Variants in DCC observed in about 807,000 individuals in gnomAD.
DCC encodes the protein netrin receptor DCC.
A neutral mutation model predicts 172.5 loss-of-function variants in DCC; 58 were observed. That is an observed-to-expected ratio of 0.34 (90% confidence interval 0.27 to 0.42). The LOEUF is 0.42. DCC is among the 10% of genes least tolerant of loss of function. DCC has a pLI of 1.00. For missense variants in DCC, 1,740 were observed against 1,791.0 expected (o/e 0.97, Z 0.51); for synonymous variants, 709 against 644.5 (o/e 1.10, Z -1.52).
intron 5 of DCC, among the ~76,000 whole-genome samples, chr18:52,998,278 C>G (rs754698626): frequency 3.9e-4 from 59 of 152,014 alleles, no homozygotes; most frequent in Non-Finnish European, 7.4e-4. Context: ...ACTTTCTCTC[C>G]CTGATCTCTC....
At chr18:53,273,034 AG>A (rs2056766149) in intron 12 of DCC, among the ~76,000 whole-genome samples, 1 of 152,150 alleles carries the variant, frequency 6.6e-6, no homozygotes, top group Admixed American at 6.5e-5. Context: ...ACACTAAAAG[AG>A]GGAAAATGAT....
At chr18:52,923,267 C>T (rs923378054) in intron 3 of DCC, among the ~76,000 whole-genome samples, 6 of 152,068 alleles carry the variant, frequency 3.9e-5, no homozygotes, top group Admixed American at 6.6e-5. Flanking sequence ...TTGAATATGT[C>T]AAATTCTAAT....
intron 5 of DCC, among the ~76,000 whole-genome samples, chr18:53,062,260 G>A (rs2042505726): frequency 6.6e-6 from 1 of 152,066 alleles, no homozygotes; most frequent in Admixed American, 6.6e-5. Context: ...TTGGACATTA[G>A]CTTTGGTGTC....
chr18:52,805,183 T>A (rs532126023), intron 2 of DCC, among the ~76,000 whole-genome samples: 2 of 152,184 alleles, frequency 1.3e-5, no homozygotes, highest in Non-Finnish European at 2.9e-5. Flanking sequence ...AGAGACTCAA[T>A]GTATAATCTC....
At chr18:53,466,068 C>T (rs1055059969) in intron 24 of DCC, among the ~76,000 whole-genome samples, 11 of 152,160 alleles carry the variant, frequency 7.2e-5, no homozygotes, top group Middle Eastern at 3.4e-3. Flanking sequence ...CCAGCCAAAG[C>T]GATGCTTTTC....
At chr18:52,767,876 A>C (rs2037279704) in intron 2 of DCC, among the ~76,000 whole-genome samples, 1 of 152,222 alleles carries the variant, frequency 6.6e-6, no homozygotes, top group African/African-American at 2.4e-5. Context: ...AATGTGAATA[A>C]GATTACCAGA....
chr18:53,078,207 C>T (rs1458375933), intron 7 of DCC, among the ~76,000 whole-genome samples: 1 of 152,086 alleles, frequency 6.6e-6, no homozygotes, highest in African/African-American at 2.4e-5. Flanking sequence ...GGGAGGAGCA[C>T]TTGATCTCGG....
At chr18:52,512,655 T>C (rs1416349675) in intron 1 of DCC, among the ~76,000 whole-genome samples, 1 of 152,132 alleles carries the variant, frequency 6.6e-6, no homozygotes, top group Non-Finnish European at 1.5e-5. Context: ...ATACATACCA[T>C]AGGCAGAAGC....
intron 2 of DCC, among the ~76,000 whole-genome samples, chr18:52,831,281 C>G (rs1315944296): frequency 6.6e-6 from 1 of 152,012 alleles, no homozygotes; most frequent in African/African-American, 2.4e-5. Context: ...GAAGTGAGAG[C>G]CAGACCATGT....
intron 9 of DCC, among the ~76,000 whole-genome samples, chr18:53,180,126 C>T (rs2055172239): frequency 6.6e-6 from 1 of 152,124 alleles, no homozygotes; most frequent in Non-Finnish European, 1.5e-5. Flanking sequence ...TGTATTCTAT[C>T]ACTTCTTGGG....
At chr18:52,934,613 G>T (rs1473286417) in intron 5 of DCC, among the ~76,000 whole-genome samples, 1 of 152,074 alleles carries the variant, frequency 6.6e-6, no homozygotes, top group Non-Finnish European at 1.5e-5. Flanking sequence ...ATTGACCACT[G>T]CAATGGACAG....
intron 1 of DCC, among the ~76,000 whole-genome samples, chr18:52,707,863 G>A (rs1357959702): frequency 6.6e-6 from 1 of 152,116 alleles, no homozygotes; most frequent in Non-Finnish European, 1.5e-5. Context: ...GGGATAGGTG[G>A]GTGGATTTGG....
chr18:52,868,604 G>C (rs1247012044), intron 2 of DCC, among the ~76,000 whole-genome samples: 1 of 152,210 alleles, frequency 6.6e-6, no homozygotes, highest in Non-Finnish European at 1.5e-5. Flanking sequence ...TTAGTTTATA[G>C]TTAAATAATA....
chr18:52,583,873 A>G (rs1477828848), intron 1 of DCC, among the ~76,000 whole-genome samples: 1 of 152,202 alleles, frequency 6.6e-6, no homozygotes, highest in African/African-American at 2.4e-5. Context: ...CCATTTCCAT[A>G]ACCTTAATTG....
intron 1 of DCC, among the ~76,000 whole-genome samples, chr18:52,404,994 A>C (rs983412662): frequency 3.3e-5 from 5 of 152,006 alleles, no homozygotes; most frequent in Admixed American, 3.3e-4. Context: ...ACATGAGCTC[A>C]TCATTTTTTA....
intron 1 of DCC, among the ~76,000 whole-genome samples, chr18:52,523,991 T>C (rs1054445907): frequency 9.2e-5 from 14 of 152,214 alleles, no homozygotes; most frequent in Non-Finnish European, 5.9e-5. Context: ...ATAATTTTTA[T>C]AGTTCCGTAA....
chr18:53,257,221 T>C (rs1181555645), intron 12 of DCC, among the ~76,000 whole-genome samples: 2 of 152,190 alleles, frequency 1.3e-5, no homozygotes, highest in East Asian at 1.9e-4. Context: ...TCCTGCCTGA[T>C]TGCCCTGGCC....
chr18:53,454,244 C>T (rs548950533), intron 23 of DCC, among the ~76,000 whole-genome samples: 75 of 152,216 alleles, frequency 4.9e-4, no homozygotes, highest in Middle Eastern at 6.8e-3. Flanking sequence ...ACTCAGGAGG[C>T]TGAGGTTGGG....
chr18:53,376,603 T>C (rs1599081347), intron 15 of DCC, among the ~76,000 whole-genome samples: 2 of 152,232 alleles, frequency 1.3e-5, no homozygotes, highest in Admixed American at 1.3e-4. Context: ...AAGCAATTAT[T>C]TGGAAGAGTG....
Sources: allele counts gnomAD v4.1 joint callset (sites outside exome capture counted in the v4.1 genomes callset), GRCh38; gene constraint gnomAD v4.1.1; transcripts MANE v1.5; gene names NCBI Gene and HGNC (gene_info 2026-07-23, HGNC 2026-07-21).